The following SP100 variants were observed in gnomAD, a reference collection of about 807,000 sequenced individuals.
The protein encoded by SP100 is SP100 nuclear body protein, also known as nuclear autoantigen Sp-100.
A neutral mutation model predicts 130.0 loss-of-function variants in SP100; 84 were observed. The observed-to-expected ratio is 0.65, with a 90% CI of 0.54 to 0.77. SP100 has a LOEUF of 0.77. Among genes scored for constraint, SP100 ranks in the 30% least tolerant of loss-of-function variants. SP100 has a pLI of 0.00. For missense variants in SP100, 978 were observed against 1,052.2 expected (o/e 0.93, Z 0.97); for synonymous variants, 331 against 351.7 (o/e 0.94, Z 0.66).
At chr2:230,455,598 GAATTT>G (rs2064235633) in intron 8 of SP100, among the ~76,000 whole-genome samples, 1 of 152,146 alleles carries the variant, frequency 6.6e-6, no homozygotes, top group Non-Finnish European at 1.5e-5. Context: ...TTTGATTGGA[GAATTT>G]AATTTATTTA....
rs148454289 is a variant in SP100, at chr2:230,436,919, TACACACAAGTGTATAC to T, written c.108-6011_108-5996del. Among the ~76,000 whole-genome samples the T allele has an allele frequency of 3.9e-3, 543 of 139,436 alleles. 2 individuals are homozygous for T. The highest frequency in any genetic ancestry group is 5.9e-3 in the Non-Finnish European group (372 of 62,604). 91.5% of individuals were successfully genotyped at this position (139,436 alleles called of 152,430 possible). A position where few individuals can be genotyped will look rare whatever the true frequency, so the allele number is the denominator to read the frequency against. On this transcript the variant is annotated intron_variant, in intron 2 of 28. Transcript: ENST00000340126. ...GTATACACACACGCATATATGTGTA[TACACACAAGTGTATAC>T]ACACACGCATATATGTGTATACACA...
chr2:230,501,717 C>CA (rs2067038086), intron 19 of SP100, among the ~76,000 whole-genome samples: 1 of 152,154 alleles, frequency 6.6e-6, no homozygotes, highest in South Asian at 2.1e-4. Flanking sequence ...CAGCCATGGG[C>CA]ACAGAATAAT....
intron 24 of SP100, among the ~76,000 whole-genome samples, chr2:230,535,643 C>T (rs1691902076): frequency 6.6e-6 from 1 of 152,032 alleles, no homozygotes; most frequent in South Asian, 2.1e-4. Flanking sequence ...TGTGTTGGCT[C>T]ATGCCTGTAA....
intron 11 of SP100, among the ~76,000 whole-genome samples, chr2:230,466,057 C>G (rs2064930481): frequency 1.3e-5 from 2 of 151,334 alleles, no homozygotes; most frequent in Admixed American, 1.3e-4. Flanking sequence ...TGGTGGTGCA[C>G]AACTATAATC....
intron 17 of SP100, among the ~76,000 whole-genome samples, chr2:230,485,310 G>A (rs533504594): frequency 4.6e-4 from 70 of 151,756 alleles, no homozygotes; most frequent in Non-Finnish European, 8.7e-4. Context: ...CTTCTCATAG[G>A]CAATGTTTTT....
intron 17 of SP100, among the ~76,000 whole-genome samples, chr2:230,491,769 G>T (rs1292722179): frequency 6.6e-6 from 1 of 152,156 alleles, no homozygotes; most frequent in Non-Finnish European, 1.5e-5. Context: ...CATGAGATTT[G>T]GGTGGGGACA....
At chr2:230,426,667 T>A (rs1434917346) in intron 2 of SP100, among the ~76,000 whole-genome samples, 2 of 152,200 alleles carry the variant, frequency 1.3e-5, no homozygotes, top group African/African-American at 2.4e-5. Context: ...TGGCCTAACA[T>A]ATGATTTTTT....
At chr2:230,429,933 A>C (rs1434232360) in intron 2 of SP100, among the ~76,000 whole-genome samples, 3 of 152,114 alleles carry the variant, frequency 2.0e-5, no homozygotes, top group Non-Finnish European at 4.4e-5. Flanking sequence ...ATTATTCTGA[A>C]TTATATGTCA....
chr2:230,439,593 G>C (rs1475081518), intron 2 of SP100, among the ~76,000 whole-genome samples: 1 of 151,478 alleles, frequency 6.6e-6, no homozygotes, highest in African/African-American at 2.4e-5. Flanking sequence ...TGTTTTTTTG[G>C]TTTATTTTTT....
chr2:230,462,471 T>C lies in SP100; in HGVS notation c.1010T>C (p.Val337Ala), dbSNP rs1408865089. Reference protein sequence around the residue: ...SSEDSEGSTDVDEPLEVFISA... With the variant: ...SSEDSEGSTDADEPLEVFISA... ...GAGGACTCTGAAGGATCCACTGACGTTGATGAGCCCTTAGAAGTCTTCATC... is the reference window on the plus strand; with the variant it reads ...GAGGACTCTGAAGGATCCACTGACGCTGATGAGCCCTTAGAAGTCTTCATC... Residue 337 changes from valine (V) to alanine (A), a missense_variant, in exon 10 of 29, where the codon GTT (valine) becomes GCT (alanine). Transcript: ENST00000340126. 4 of 1,613,898 alleles carry C rather than the reference T, an allele frequency of 2.5e-6. No individual in the cohort carries two copies. The highest frequency in any genetic ancestry group is 1.7e-5 in the Admixed American group (1 of 59,996).
intron 8 of SP100, among the ~76,000 whole-genome samples, chr2:230,451,198 A>G (rs1241482316): frequency 6.6e-6 from 1 of 152,136 alleles, no homozygotes; most frequent in Non-Finnish European, 1.5e-5. Context: ...CTTTTTATTT[A>G]TTTGAGGACA....
intron 17 of SP100, among the ~76,000 whole-genome samples, chr2:230,494,183 T>A (rs2066537952): frequency 6.6e-6 from 1 of 151,936 alleles, no homozygotes. Context: ...TAAGACCACA[T>A]ATGGATATGT....
chr2:230,468,894 A>G (rs955131650), intron 13 of SP100, 149 bp from the exon 14 acceptor site: 4 of 436,090 alleles, frequency 9.2e-6, no homozygotes, highest in Admixed American at 8.4e-5. Context: ...GCTCCATTTG[A>G]TAGTAATCTC....
chr2:230,463,335 G>T (rs2064764618), intron 10 of SP100, among the ~76,000 whole-genome samples: 1 of 152,108 alleles, frequency 6.6e-6, no homozygotes, highest in Non-Finnish European at 1.5e-5. Flanking sequence ...GTTGTCATAA[G>T]ATTTATAACA....
chr2:230,538,379 T>G (rs570611845), intron 24 of SP100: 2 of 152,128 alleles, frequency 1.3e-5, no homozygotes, highest in Non-Finnish European at 2.9e-5. Context: ...AGCCTAAAAA[T>G]AGTGGTCAGC....
intron 24 of SP100, chr2:230,515,577 G>A (rs377712224): frequency 1.0e-5 from 16 of 1,599,832 alleles, no homozygotes; most frequent in Non-Finnish European, 1.4e-5. Flanking sequence ...AGAAAAAGAA[G>A]GAAGAGGAAG....
At chr2:230,535,314 TAG>T (rs1163315650) in intron 24 of SP100, among the ~76,000 whole-genome samples, 1 of 152,198 alleles carries the variant, frequency 6.6e-6, no homozygotes, top group African/African-American at 2.4e-5. Context: ...TTCATTAGAT[TAG>T]AGAGAGAAAA....
chr2:230,460,552 A>T (rs1381116154), intron 8 of SP100, among the ~76,000 whole-genome samples: 2 of 149,838 alleles, frequency 1.3e-5, no homozygotes, highest in African/African-American at 4.9e-5. Flanking sequence ...GTTAATGGGA[A>T]GTGTCACCAG....
At chr2:230,422,255 A>C (rs1292708279) in intron 2 of SP100, among the ~76,000 whole-genome samples, 2 of 152,076 alleles carry the variant, frequency 1.3e-5, no homozygotes. Flanking sequence ...CGTTTCTTCC[A>C]AGGTTGTTTT....
Sources: gnomAD v4.1 joint callset for allele counts (sites outside exome capture counted in the v4.1 genomes callset) on GRCh38, gnomAD v4.1.1 for gene constraint, MANE v1.5 for transcripts, NCBI Gene and HGNC (gene_info 2026-07-23, HGNC 2026-07-21) for gene names.